Variants in TSHR observed in about 807,000 individuals in gnomAD.
The protein encoded by TSHR is thyroid stimulating hormone receptor, also known as thyrotropin receptor.
A neutral mutation model predicts 64.1 loss-of-function variants in TSHR; 51 were observed. The ratio of observed to expected loss-of-function variants is 0.80; its 90% CI spans 0.64 to 1.01. The LOEUF is 1.01. TSHR is among the 50% of genes least tolerant of loss of function. The pLI, the probability that TSHR is intolerant of heterozygous loss-of-function variation, is 0.00. For synonymous variants in TSHR, 361 were observed against 361.9 expected (o/e 1.00, Z 0.03); for missense variants, 877 against 942.8 (o/e 0.93, Z 0.91).
chr14:81,020,630 G>T (rs1883698840), intron 1 of TSHR, among the ~76,000 whole-genome samples: 1 of 152,178 alleles, frequency 6.6e-6, no homozygotes, highest in African/African-American at 2.4e-5. Context: ...TGACTGCATA[G>T]AAACCATAAT....
At chr14:80,968,891 G>T (rs897342604) in intron 1 of TSHR, among the ~76,000 whole-genome samples, 6 of 152,116 alleles carry the variant, frequency 3.9e-5, no homozygotes, top group South Asian at 2.1e-4. Flanking sequence ...CAAATGACCA[G>T]GTGGTCATTA....
intron 1 of TSHR, chr14:81,012,882 T>G (rs1209280652): frequency 6.6e-6 from 1 of 152,152 alleles, no homozygotes; most frequent in Non-Finnish European, 1.5e-5. Flanking sequence ...TTTCTCCCAT[T>G]TTGTAGGTTG....
chr14:80,976,931 T>C (rs1384991873), intron 1 of TSHR, among the ~76,000 whole-genome samples: 2 of 152,252 alleles, frequency 1.3e-5, no homozygotes, highest in African/African-American at 4.8e-5. Flanking sequence ...TGTGATGCAG[T>C]GTCTAGCCTG....
chr14:81,083,009 T>C (rs572932314), intron 3 of TSHR, among the ~76,000 whole-genome samples: 1 of 121,152 alleles, frequency 8.3e-6, no homozygotes, highest in South Asian at 3.2e-4. Flanking sequence ...ACTAGGAAAA[T>C]GGAAGGAAAT....
rs10135676 is a variant in TSHR, at chr14:81,140,317, G to C, written c.881+450G>C. 1.1e-3 allele frequency among the ~76,000 whole-genome samples: 165 copies of C among 152,284 alleles called. 2 individuals carry two copies. Among genetic ancestry groups the C allele is most frequent in the African/African-American group, 3.8e-3 (159 of 41,548 alleles). Reference sequence around the variant, plus strand: ...AAATGTCATAGCTCCCTGGTTACATGCCTGCAGGCTTTGGAGTCAGCTGGG... The same window carrying C: ...AAATGTCATAGCTCCCTGGTTACATCCCTGCAGGCTTTGGAGTCAGCTGGG... On this transcript the variant is annotated intron_variant, in intron 9 of 9. Transcript: ENST00000298171.
At chr14:80,966,859 G>T (rs1887323055) in intron 1 of TSHR, among the ~76,000 whole-genome samples, 2 of 152,112 alleles carry the variant, frequency 1.3e-5, no homozygotes, top group Non-Finnish European at 2.9e-5. Context: ...CTGCTTCCTG[G>T]TTTGCACTTG....
intron 2 of TSHR, among the ~76,000 whole-genome samples, chr14:81,067,342 T>A (rs77826910): frequency 6.6e-6 from 1 of 151,988 alleles, no homozygotes; most frequent in African/African-American, 2.4e-5. Flanking sequence ...CCAAGCACTC[T>A]GAAAGGCACT....
At chr14:81,092,665 CAT>C in intron 6 of TSHR, 57 bp downstream of exon 6, 1 of 1,522,820 alleles carries the variant, frequency 6.6e-7, no homozygotes, top group Non-Finnish European at 9.1e-7. Flanking sequence ...GAGCCATTTT[CAT>C]ATGTTTACAG....
chr14:81,034,603 G>T (rs1187499098), intron 1 of TSHR, among the ~76,000 whole-genome samples: 2 of 152,136 alleles, frequency 1.3e-5, no homozygotes, highest in Non-Finnish European at 2.9e-5. Flanking sequence ...TTAACCTAAA[G>T]TAGTATTCTC....
rs562871876 is a variant in TSHR, at chr14:81,022,799, C to T, written c.171-39349C>T. 1.4e-4 allele frequency among the ~76,000 whole-genome samples: 22 copies of T among 151,782 alleles called. 1 individual carries two copies. Among genetic ancestry groups the T allele is most frequent in the African/African-American group, 3.4e-4 (14 of 41,346 alleles). ...TCATGCCACTGCACTCCAGCCCGGGCGACAAAGCGAGACTTCATCTCAAAA... is the reference window on the plus strand; with the variant it reads ...TCATGCCACTGCACTCCAGCCCGGGTGACAAAGCGAGACTTCATCTCAAAA... On this transcript the variant is annotated intron_variant, in intron 1 of 9. Transcript: ENST00000298171.
At chr14:81,106,291 C>T (rs1889887902) in intron 7 of TSHR, among the ~76,000 whole-genome samples, 1 of 152,182 alleles carries the variant, frequency 6.6e-6, no homozygotes, top group Admixed American at 6.5e-5. Context: ...TGGTCAAATG[C>T]CACCACACCA....
At chr14:81,064,682 GA>G (rs1287507324) in intron 2 of TSHR, among the ~76,000 whole-genome samples, 2 of 151,910 alleles carry the variant, frequency 1.3e-5, no homozygotes, top group African/African-American at 4.8e-5. Context: ...AAGTACATGG[GA>G]AAAAAAGTAA....
At chr14:81,059,629 T>C (rs946880499) in intron 1 of TSHR, among the ~76,000 whole-genome samples, 10 of 152,156 alleles carry the variant, frequency 6.6e-5, no homozygotes, top group Non-Finnish European at 1.3e-4. Flanking sequence ...TATCTCAGGC[T>C]GATTGCTAGC....
chr14:80,998,313 G>A (rs1889130749), intron 1 of TSHR, among the ~76,000 whole-genome samples: 1 of 152,040 alleles, frequency 6.6e-6, no homozygotes, highest in Admixed American at 6.6e-5. Context: ...AATATTGTTT[G>A]AGTGCTAACA....
chr14:81,140,629 T>C, intron 9 of TSHR, among the ~76,000 whole-genome samples: 1 of 152,208 alleles, frequency 6.6e-6, no homozygotes, highest in Non-Finnish European at 1.5e-5. Context: ...TTCTTTTACT[T>C]TTTTGCTTTT....
At chr14:81,017,153 T>C (rs1488016091) in intron 1 of TSHR, among the ~76,000 whole-genome samples, 1 of 152,254 alleles carries the variant, frequency 6.6e-6, no homozygotes, top group Non-Finnish European at 1.5e-5. Flanking sequence ...ATAACTCCCA[T>C]GCTTAGCGTT....
At chr14:80,985,415 G>A (rs1425908160) in intron 1 of TSHR, among the ~76,000 whole-genome samples, 1 of 152,118 alleles carries the variant, frequency 6.6e-6, no homozygotes, top group Non-Finnish European at 1.5e-5. Context: ...CATTTGTACC[G>A]GCTAACACGA....
At chr14:80,962,078 C>T (rs1887061987) in intron 1 of TSHR, among the ~76,000 whole-genome samples, 3 of 152,122 alleles carry the variant, frequency 2.0e-5, no homozygotes, top group Admixed American at 2.0e-4. Flanking sequence ...GCTTTGGGAA[C>T]ATTGCTTAGT....
intron 9 of TSHR, among the ~76,000 whole-genome samples, chr14:81,140,376 G>A (rs1327347449): frequency 6.6e-6 from 1 of 152,152 alleles, no homozygotes; most frequent in East Asian, 1.9e-4. Context: ...TTCAAGCTGT[G>A]TTATCCCAGC....
Sources: allele counts gnomAD v4.1 joint callset (sites outside exome capture counted in the v4.1 genomes callset), GRCh38; gene constraint gnomAD v4.1.1; transcripts MANE v1.5; gene names NCBI Gene and HGNC (gene_info 2026-07-23, HGNC 2026-07-21).